Variants in TTC28 observed in about 807,000 individuals in gnomAD.
TTC28 encodes the protein tetratricopeptide repeat protein 28.
TTC28 carries 61 observed loss-of-function variants against 198.0 expected under a neutral mutation model. That is an observed-to-expected ratio of 0.31 (90% CI 0.25 to 0.38). The LOEUF (loss-of-function observed/expected upper bound fraction) is 0.38, where lower values mean the gene tolerates loss of function less well. Among genes scored for constraint, TTC28 ranks in the 10% least tolerant of loss-of-function variants. The pLI is 1.00. For synonymous variants in TTC28, 1,171 were observed against 1,297.8 expected, an observed-to-expected ratio of 0.90 and a Z score of 2.10; for missense variants, 2,678 against 3,164.0, an observed-to-expected ratio of 0.85 and a Z score of 3.69.
At chr22:28,282,232 G>A (rs745593731) in intron 5 of TTC28, among the ~76,000 whole-genome samples, 5 of 152,118 alleles carry the variant, frequency 3.3e-5, no homozygotes, top group African/African-American at 4.8e-5. Context: ...TGATATAAGC[G>A]ACTTTGCCAG....
At chr22:28,310,302 G>C (rs1230005525) in intron 2 of TTC28, among the ~76,000 whole-genome samples, 1 of 152,132 alleles carries the variant, frequency 6.6e-6, no homozygotes, top group African/African-American at 2.4e-5. Context: ...TAAAATTTCA[G>C]AGGTAACAAA....
chr22:28,640,853 A>G (rs1011936676), intron 1 of TTC28, among the ~76,000 whole-genome samples: 4 of 152,200 alleles, frequency 2.6e-5, no homozygotes, highest in East Asian at 1.9e-4. Context: ...TGATCCAGCA[A>G]TTCTACTCTT....
At chr22:28,227,472 A>G (rs1052882993) in intron 5 of TTC28, among the ~76,000 whole-genome samples, 2 of 152,180 alleles carry the variant, frequency 1.3e-5, no homozygotes, top group African/African-American at 2.4e-5. Context: ...AATGGAACAA[A>G]ATATTTGCAA....
intron 6 of TTC28, among the ~76,000 whole-genome samples, chr22:28,148,013 C>G (rs1168534589): frequency 1.3e-5 from 2 of 152,138 alleles, no homozygotes; most frequent in Non-Finnish European, 2.9e-5. Context: ...ATTTTCTTGT[C>G]TAAAAGTCAT....
intron 1 of TTC28, among the ~76,000 whole-genome samples, chr22:28,678,866 A>T (rs1049959989): frequency 6.6e-6 from 1 of 152,114 alleles, no homozygotes; most frequent in Non-Finnish European, 1.5e-5. Flanking sequence ...GCCTGATCAC[A>T]ACTTCGGAGC....
chr22:28,383,300 G>A (rs559860055), intron 2 of TTC28, among the ~76,000 whole-genome samples: 1 of 152,270 alleles, frequency 6.6e-6, no homozygotes, highest in Admixed American at 6.5e-5. Context: ...TTTCTTTGGT[G>A]AAAATGGCAT....
At chr22:28,183,404 A>G (rs1208068823) in intron 5 of TTC28, among the ~76,000 whole-genome samples, 1 of 152,062 alleles carries the variant, frequency 6.6e-6, no homozygotes, top group Non-Finnish European at 1.5e-5. Flanking sequence ...GAGTTCAACT[A>G]TCTTGGCTGA....
At chr22:28,624,553 T>C (rs890559613) in intron 2 of TTC28, among the ~76,000 whole-genome samples, 27 of 152,218 alleles carry the variant, frequency 1.8e-4, no homozygotes, top group Non-Finnish European at 3.1e-4. Context: ...ATTAGAAAAT[T>C]TGAATAGCCC....
intron 2 of TTC28, among the ~76,000 whole-genome samples, chr22:28,309,573 C>T (rs1316202019): frequency 6.6e-6 from 1 of 152,156 alleles, no homozygotes; most frequent in Non-Finnish European, 1.5e-5. Context: ...TCTATGGGTT[C>T]CAGCTACTAA....
chr22:28,097,436 C>T (rs997990247), intron 10 of TTC28, among the ~76,000 whole-genome samples: 6 of 152,172 alleles, frequency 3.9e-5, no homozygotes, highest in African/African-American at 1.2e-4. Flanking sequence ...AAGAGTTTAA[C>T]CTCTAAGGTC....
At chr22:28,524,459 CAAAA>C (rs34261097) in intron 2 of TTC28, among the ~76,000 whole-genome samples, 2 of 59,242 alleles carry the variant, frequency 3.4e-5, no homozygotes. Context: ...GAAGCCAGCT[CAAAA>C]AAAAAAAAAA....
intron 5 of TTC28, among the ~76,000 whole-genome samples, chr22:28,196,168 C>T (rs1925316002): frequency 6.6e-6 from 1 of 151,898 alleles, no homozygotes; most frequent in Non-Finnish European, 1.5e-5. Context: ...ACAAACCTGA[C>T]AAAAACAAGA....
At chr22:28,447,296 T>C (rs1342124076) in intron 2 of TTC28, among the ~76,000 whole-genome samples, 1 of 152,146 alleles carries the variant, frequency 6.6e-6, no homozygotes, top group Non-Finnish European at 1.5e-5. Context: ...ACATGAATCA[T>C]GTTAAAAGGG....
At chr22:28,101,320 G>A in intron 8 of TTC28, 40 bp from the exon 9 acceptor site, 1 of 1,478,504 alleles carries the variant, frequency 6.8e-7, no homozygotes, top group Non-Finnish European at 9.2e-7. Context: ...CATAGAAGAT[G>A]GATAATTCCA....
At chr22:28,065,093 CCA>C (rs1940700428) in intron 12 of TTC28, among the ~76,000 whole-genome samples, 1 of 152,192 alleles carries the variant, frequency 6.6e-6, no homozygotes, top group Non-Finnish European at 1.5e-5. Flanking sequence ...TCCACCCAGG[CCA>C]CACCCCTTGC....
chr22:28,673,031 G>T (rs2051914842), intron 1 of TTC28, among the ~76,000 whole-genome samples: 1 of 152,158 alleles, frequency 6.6e-6, no homozygotes, highest in Non-Finnish European at 1.5e-5. Context: ...AATAGCAAAT[G>T]GTCTAAGCAC....
chr22:28,556,413 T>C (rs1022990280), intron 2 of TTC28, among the ~76,000 whole-genome samples: 1 of 152,176 alleles, frequency 6.6e-6, no homozygotes, highest in African/African-American at 2.4e-5. Context: ...TCTAAATATA[T>C]AACACTAGGC....
intron 2 of TTC28, among the ~76,000 whole-genome samples, chr22:28,404,732 A>C (rs755436940): frequency 6.6e-6 from 1 of 152,238 alleles, no homozygotes; most frequent in Non-Finnish European, 1.5e-5. Context: ...TAGGTGTCAA[A>C]GTCTCAACTG....
rs11362041 is a variant in TTC28, at chr22:28,043,242, C to CAAAAAAAA, written c.3933-12884_3933-12877dup. Among the ~76,000 whole-genome samples, 94 of 65,572 alleles carry CAAAAAAAA rather than the reference C, an allele frequency of 1.4e-3. 14 individuals are homozygous for CAAAAAAAA. The highest frequency in any genetic ancestry group is 3.6e-3 in the South Asian group (7 of 1,962). 43.0% of individuals were successfully genotyped at this position (65,572 alleles called of 152,430 possible). A position where few individuals can be genotyped will look rare whatever the true frequency, so the allele number is the denominator to read the frequency against. On this transcript the variant is annotated intron_variant, in intron 12 of 22. Coordinates refer to ENST00000397906, the MANE Select transcript of TTC28 (RefSeq NM_001145418.2). ...TGCATAACAGAGTAAGACTCCATCT[C>CAAAAAAAA]AAAAAAAAAAAAAAAAAAAAAAAAA...
Sources: gnomAD v4.1 joint callset for allele counts (sites outside exome capture counted in the v4.1 genomes callset) on GRCh38, gnomAD v4.1.1 for gene constraint, MANE v1.5 for transcripts, NCBI Gene and HGNC (gene_info 2026-07-23, HGNC 2026-07-21) for gene names.